SRGAP1: variants seen among roughly 807,000 people sequenced by gnomAD.
SRGAP1 encodes SLIT-ROBO Rho GTPase activating protein 1, also known as SLIT-ROBO Rho GTPase-activating protein 1.
Under a neutral mutation model 121.9 loss-of-function variants are expected in SRGAP1, and 43 were observed. The ratio of observed to expected loss-of-function variants is 0.35; its 90% CI spans 0.28 to 0.46. SRGAP1 has a LOEUF of 0.46. Ranked by LOEUF, SRGAP1 falls within the 20% of genes least tolerant of loss-of-function variation. The pLI is 1.00. For synonymous variants in SRGAP1, 447 were observed against 485.4 expected, an observed-to-expected ratio of 0.92 and a Z score of 1.04; for missense variants, 1,102 against 1,350.9, an observed-to-expected ratio of 0.82 and a Z score of 2.89.
At chr12:64,138,239 C>T (rs113524511) in intron 21 of SRGAP1, among the ~76,000 whole-genome samples, 1,754 of 151,810 alleles carry the variant, frequency 0.012, 37 homozygotes, top group African/African-American at 0.04. Flanking sequence ...GTGACTGGCT[C>T]ATTTCATTTA....
Position 64,111,915 on chromosome 12 carries a change from G to A in SRGAP1, c.2073G>A (p.Glu691=), listed in dbSNP as rs1237573962. Residue 691 remains glutamate, a synonymous_variant, in exon 17 of 22, where the codon GAG becomes GAA. Coordinates refer to ENST00000355086, the MANE Select transcript of SRGAP1 (RefSeq NM_020762.4). ...EIIKTIIIHH[E]TIFPDAKELD... is the part of the protein sequence containing the mutation. ...TCAAAACCATCATCATCCACCATGAGACTATTTTCCCAGATGCTAAAGAGC... is the reference window on the plus strand; with the variant it reads ...TCAAAACCATCATCATCCACCATGAAACTATTTTCCCAGATGCTAAAGAGC... 1 of 1,614,006 alleles carries A rather than the reference G, an allele frequency of 6.2e-7. No individual in the cohort carries two copies. The highest frequency in any genetic ancestry group is 1.7e-5 in the Admixed American group (1 of 59,998).
chr12:63,868,787 A>G (rs1565928092), intron 1 of SRGAP1, among the ~76,000 whole-genome samples: 1 of 152,188 alleles, frequency 6.6e-6, no homozygotes, highest in Non-Finnish European at 1.5e-5. Flanking sequence ...AGTGCTATCA[A>G]TAGTTCTAAA....
At chr12:63,966,020 A>G (rs750745976) in intron 1 of SRGAP1, among the ~76,000 whole-genome samples, 7 of 152,176 alleles carry the variant, frequency 4.6e-5, no homozygotes, top group African/African-American at 2.4e-5. Context: ...GGGTTTCACC[A>G]TGTTAGCCAG....
At chr12:64,025,911 G>A (rs2034643412) in intron 4 of SRGAP1, among the ~76,000 whole-genome samples, 1 of 152,158 alleles carries the variant, frequency 6.6e-6, no homozygotes, top group African/African-American at 2.4e-5. Context: ...CCAATTCAAG[G>A]ATCTCTGAGA....
chr12:64,043,346 G>C, intron 5 of SRGAP1, 101 bp from the exon 6 acceptor site: 1 of 1,175,226 alleles, frequency 8.5e-7, no homozygotes, highest in Non-Finnish European at 1.2e-6. Context: ...TGTATATGTG[G>C]AATAAATTGT....
chr12:63,943,124 AT>A (rs201199907), intron 1 of SRGAP1, among the ~76,000 whole-genome samples: 1 of 151,556 alleles, frequency 6.6e-6, no homozygotes, highest in East Asian at 1.9e-4. Flanking sequence ...GAGAAACAGT[AT>A]TTTTTTTTCT....
intron 3 of SRGAP1, among the ~76,000 whole-genome samples, chr12:64,009,529 T>C (rs2034191145): frequency 6.6e-6 from 1 of 152,194 alleles, no homozygotes. Context: ...CTATGCACCT[T>C]TCAAATTGTC....
At chr12:64,080,898 T>C (rs1157522993) in intron 10 of SRGAP1, 1 of 169,800 alleles carries the variant, frequency 5.9e-6, no homozygotes, top group East Asian at 1.6e-4. Flanking sequence ...TAGATTGCTA[T>C]GTCTAATAAT....
chr12:63,909,305 C>G (rs1259052046), intron 1 of SRGAP1, among the ~76,000 whole-genome samples: 1 of 152,218 alleles, frequency 6.6e-6, no homozygotes, highest in African/African-American at 2.4e-5. Flanking sequence ...CCCCTTGCTC[C>G]AGGATTTTAT....
chr12:64,097,194 A>G, intron 14 of SRGAP1, 47 bp from the exon 15 acceptor site: 1 of 1,547,872 alleles, frequency 6.5e-7, no homozygotes, highest in Non-Finnish European at 8.6e-7. Context: ...TTTTGTTCAG[A>G]GAAAAAGAAG....
rs181887163 is a variant in SRGAP1, at chr12:64,134,924, A to G, written c.2880+6724A>G. On this transcript the variant is annotated intron_variant, in intron 21 of 21. Coordinates refer to ENST00000355086, the MANE Select transcript of SRGAP1 (RefSeq NM_020762.4). ...CTCACCTCCAGGGGCCTGCCGGGAT[A>G]TTAGTCTAGTTACAGGTCTAGAAGC... is the stretch of plus-strand genomic sequence containing the variant. 1.1e-4 allele frequency among the ~76,000 whole-genome samples: 17 copies of G among 152,270 alleles called. No individual in the cohort carries two copies. In the East Asian group the frequency reaches 2.9e-3, roughly 26 times the overall value.
intron 1 of SRGAP1, among the ~76,000 whole-genome samples, chr12:63,851,985 GTATT>G (rs1175972051): frequency 6.6e-6 from 1 of 151,956 alleles, no homozygotes; most frequent in African/African-American, 2.4e-5. Context: ...TCTATCTACT[GTATT>G]TATTTATTTA....
chr12:63,951,200 G>A (rs1456987080), intron 1 of SRGAP1, among the ~76,000 whole-genome samples: 8 of 101,160 alleles, frequency 7.9e-5, no homozygotes, highest in Admixed American at 4.8e-4. Context: ...GTCTTGCTCT[G>A]TCACCCAGGC....
At chr12:63,952,645 G>C (rs1244878582) in intron 1 of SRGAP1, among the ~76,000 whole-genome samples, 1 of 152,142 alleles carries the variant, frequency 6.6e-6, no homozygotes, top group Non-Finnish European at 1.5e-5. Flanking sequence ...GTCCCAGAAT[G>C]ATCAGCTTAG....
At chr12:64,090,498 A>C (rs1410012402) in intron 11 of SRGAP1, among the ~76,000 whole-genome samples, 1 of 152,242 alleles carries the variant, frequency 6.6e-6, no homozygotes, top group Non-Finnish European at 1.5e-5. Context: ...CATGAAATAA[A>C]ATTCCATTAC....
intron 21 of SRGAP1, among the ~76,000 whole-genome samples, chr12:64,141,555 G>T (rs1474951659): frequency 1.3e-5 from 2 of 152,166 alleles, no homozygotes; most frequent in Admixed American, 1.3e-4. Flanking sequence ...ACTCCAGCCT[G>T]GGTGACAGAG....
At chr12:63,899,242 T>C (rs1451460154) in intron 1 of SRGAP1, among the ~76,000 whole-genome samples, 1 of 151,574 alleles carries the variant, frequency 6.6e-6, no homozygotes, top group African/African-American at 2.4e-5. Flanking sequence ...ATTAGCTAGG[T>C]GTGGTGGCAT....
intron 21 of SRGAP1, among the ~76,000 whole-genome samples, chr12:64,133,347 T>G (rs1018479722): frequency 1.1e-4 from 17 of 152,296 alleles, no homozygotes; most frequent in Admixed American, 9.2e-4. Context: ...AATTATGCAT[T>G]CTGGCACTGG....
At chr12:63,924,845 G>A (rs1009583307) in intron 1 of SRGAP1, among the ~76,000 whole-genome samples, 2 of 152,198 alleles carry the variant, frequency 1.3e-5, no homozygotes, top group Non-Finnish European at 2.9e-5. Context: ...TTTAGGTACT[G>A]TCTCAGCAGT....
Sources: allele counts gnomAD v4.1 joint callset (sites outside exome capture counted in the v4.1 genomes callset), GRCh38; gene constraint gnomAD v4.1.1; transcripts MANE v1.5; gene names NCBI Gene and HGNC (gene_info 2026-07-23, HGNC 2026-07-21).